OR2T10: variants seen among roughly 807,000 people sequenced by gnomAD.
The protein encoded by OR2T10 is olfactory receptor family 2 subfamily T member 10.
For synonymous variants in OR2T10, 125 were observed against 141.8 expected, an observed-to-expected ratio of 0.88 and a Z score of 0.84; for missense variants, 335 against 382.5, an observed-to-expected ratio of 0.88 and a Z score of 1.04.
intron 1 of OR2T10, among the ~76,000 whole-genome samples, chr1:248,596,333 A>G (rs139610389): frequency 7.0e-6 from 1 of 143,274 alleles, no homozygotes; most frequent in East Asian, 2.0e-4. Context: ...CTCTAGGTCT[A>G]TGTAAGGAGG....
chr1:248,591,078 C>T lies in OR2T10; in HGVS notation c.*1752G>A, dbSNP rs909397596. The stretch of plus-strand genomic sequence containing the variant: ...TATAATTGGAGTTAGACTCAATCTA[C>T]ATCTAGTTCATCCCTATTACTGAGA... On this transcript the variant is annotated 3_prime_UTR_variant, in exon 2 of 2. Coordinates refer to ENST00000642090, the MANE Select transcript of OR2T10 (RefSeq NM_001004693.2). 1.4e-5 allele frequency: 2 copies of T among 143,358 alleles called. No individual in the cohort carries two copies. The highest frequency in any genetic ancestry group is 1.4e-4 in the Admixed American group (2 of 14,662). 8.9% of individuals were successfully genotyped at this position (143,358 alleles called of 1,614,324 possible).
rs1223430605 is a variant in OR2T10 at position 248,590,973 on chromosome 1, A to T, written c.*1857T>A. 7.0e-6 allele frequency: 1 copy of T among 143,424 alleles called. No individual in the cohort carries two copies. Among genetic ancestry groups the T allele is most frequent in the African/African-American group, 2.7e-5 (1 of 36,520 alleles). The allele number at this position is 143,424 out of a possible 1,614,324, so 8.9% of individuals were successfully genotyped here. A position where few individuals can be genotyped will look rare whatever the true frequency, so the allele number is the denominator to read the frequency against. Reference sequence around the variant, plus strand: ...CATTTTTGCTTATATTTCTGAGTTTACTTTTGAGATAATTTTTCTATGGCT... The same window carrying T: ...CATTTTTGCTTATATTTCTGAGTTTTCTTTTGAGATAATTTTTCTATGGCT... On this transcript the variant is annotated 3_prime_UTR_variant, in exon 2 of 2. Transcript: ENST00000642090.
rs1365512837 is a variant in OR2T10 at position 248,593,625 on chromosome 1, C to G, written c.144G>C (p.Leu48=). The G allele has an allele frequency of 6.4e-7, 1 of 1,562,630 alleles. No homozygotes were observed. Among genetic ancestry groups the G allele is most frequent in the African/African-American group, 1.5e-5 (1 of 64,744 alleles). ...TATGCAGAGAGGAGTCAATGTGGAT[C>G]AGAAGTATCAATGTAATATTCCAAG... ...AVSWNITLIL[L]IHIDSSLHTP... The change falls in exon 2 of 2, where the codon CTG becomes CTC. Residue 48 remains leucine (L), a synonymous_variant. Coordinates refer to ENST00000642090, the MANE Select transcript of OR2T10 (RefSeq NM_001004693.2).
Position 248,591,928 on chromosome 1 carries a change from GTTATAATTA to G in OR2T10, c.*893_*901del, listed in dbSNP as rs1329191806. On this transcript the variant is annotated 3_prime_UTR_variant, in exon 2 of 2. Coordinates refer to ENST00000642090, the MANE Select transcript of OR2T10 (RefSeq NM_001004693.2). ...CCAGATCATAATAATCACACAAGAC[GTTATAATTA>G]TTATGTTATTTGTTAAATACAAATA... 3.9e-5 allele frequency: 2 copies of G among 51,256 alleles called. 1 individual carries two copies. Among genetic ancestry groups the G allele is most frequent in the African/African-American group, 7.8e-5 (2 of 25,540 alleles). 3.2% of individuals were successfully genotyped at this position (51,256 alleles called of 1,614,324 possible). A position where few individuals can be genotyped will look rare whatever the true frequency, so the allele number is the denominator to read the frequency against.
At position 248,596,429 on chromosome 1, in the gene OR2T10, C is replaced by T. The variant is rs1471003672; in HGVS notation, c.-29+1063G>A. On this transcript the variant is annotated intron_variant, in intron 1 of 1. Transcript: ENST00000642090. ...ATGGACATGAGCTAGTCAGGGTGAGCATATCTCAGGTTTATTCAGGAGAAC... is the reference window on the plus strand; with the variant it reads ...ATGGACATGAGCTAGTCAGGGTGAGTATATCTCAGGTTTATTCAGGAGAAC... Among the ~76,000 whole-genome samples the T allele has an allele frequency of 1.4e-5, 2 of 142,616 alleles. 1 individual carries two copies. Among genetic ancestry groups the T allele is most frequent in the Non-Finnish European group, 3.0e-5 (2 of 66,050 alleles). The allele number at this position is 142,616 out of a possible 152,430, so 93.6% of individuals were successfully genotyped here.
chr1:248,594,213 G>A (rs1660059687), intron 1 of OR2T10, among the ~76,000 whole-genome samples: 2 of 142,606 alleles, frequency 1.4e-5, no homozygotes, highest in African/African-American at 2.8e-5. Context: ...AGTCATGTCT[G>A]CAAAAAAGGA....
In OR2T10 at chr1:248,596,253, C is replaced by T. The variant is rs1486722899; in HGVS notation, c.-29+1239G>A. Among the ~76,000 whole-genome samples the T allele has an allele frequency of 4.2e-5, 6 of 142,870 alleles. 1 individual carries two copies. The highest frequency in any genetic ancestry group is 7.6e-5 in the Non-Finnish European group (5 of 66,196). The allele number at this position is 142,870 out of a possible 152,430, so 93.7% of individuals were successfully genotyped here. A position where few individuals can be genotyped will look rare whatever the true frequency, so the allele number is the denominator to read the frequency against. ...CAGTGAAATAAGTGTATTTAATGTCCGCTCCCAAAAATGGAGTCCATTTAG... is the reference window on the plus strand; with the variant it reads ...CAGTGAAATAAGTGTATTTAATGTCTGCTCCCAAAAATGGAGTCCATTTAG... On this transcript the variant is annotated intron_variant, in intron 1 of 1. Coordinates refer to ENST00000642090, the MANE Select transcript of OR2T10 (RefSeq NM_001004693.2).
intron 1 of OR2T10, among the ~76,000 whole-genome samples, chr1:248,596,022 A>G (rs1660084326): frequency 1.4e-5 from 2 of 143,482 alleles, no homozygotes; most frequent in South Asian, 4.4e-4. Flanking sequence ...GCAAAATGTG[A>G]GAGTCATGGT....
At chr1:248,596,804 T>C (rs1660098452) in intron 1 of OR2T10, among the ~76,000 whole-genome samples, 1 of 142,814 alleles carries the variant, frequency 7.0e-6, no homozygotes. Flanking sequence ...TGAGTGGGTA[T>C]TTATACTCCA....
In OR2T10 at chr1:248,593,444, C is replaced by T; in HGVS notation, c.325G>A (p.Gly109Ser). ...TQMYFYLQLG[G>S]AECCLLAAMA... Reference sequence around the variant, plus strand: ...GCGGCTAGAAGGCAGCACTCTGCACCTCCCAACTGCAGGTAGAAGTACATC... The same window carrying T: ...GCGGCTAGAAGGCAGCACTCTGCACTTCCCAACTGCAGGTAGAAGTACATC... The change falls in exon 2 of 2, where the codon GGT (glycine) becomes AGT (serine). Residue 109 changes from glycine (G) to serine (S), a missense_variant. Transcript: ENST00000642090. The T allele has an allele frequency of 6.4e-7, 1 of 1,572,150 alleles. No homozygotes were observed. Among genetic ancestry groups the T allele is most frequent in the South Asian group, 1.1e-5 (1 of 88,884 alleles).
At chr1:248,595,998 CAAAT>C (rs936060293) in intron 1 of OR2T10, among the ~76,000 whole-genome samples, 5 of 143,024 alleles carry the variant, frequency 3.5e-5, no homozygotes, top group Admixed American at 2.0e-4. Context: ...TCTGTCCCGT[CAAAT>C]AAAACAACTG....
rs1238864747 is a variant in OR2T10, at chr1:248,595,442, AT to A, written c.-28-1647del. Among the ~76,000 whole-genome samples, 7 of 143,148 alleles carry A rather than the reference AT, an allele frequency of 4.9e-5. 3 individuals carry two copies. Among genetic ancestry groups the A allele is most frequent in the Non-Finnish European group, 1.1e-4 (7 of 66,226 alleles). The allele number at this position is 143,148 out of a possible 152,430, so 93.9% of individuals were successfully genotyped here. The stretch of plus-strand genomic sequence containing the variant: ...AAGAATTATTGCAATTGGTCATATT[AT>A]TTCCTTTTTTATTTCAAATATCTTG... On this transcript the variant is annotated intron_variant, in intron 1 of 1. Transcript: ENST00000642090.
Position 248,592,580 on chromosome 1 carries a change from C to A in OR2T10, c.*250G>T. 1 of 337,776 alleles carries A rather than the reference C, an allele frequency of 3.0e-6. No homozygotes were observed. Among genetic ancestry groups the A allele is most frequent in the Non-Finnish European group, 5.3e-6 (1 of 188,128 alleles). The allele number at this position is 337,776 out of a possible 1,614,324, so 20.9% of individuals were successfully genotyped here. The stretch of plus-strand genomic sequence containing the variant: ...AAACACATTTATTTTCATATTTCTC[C>A]ACTGTAATCTAAAAAAAGGACCATT... On this transcript the variant is annotated 3_prime_UTR_variant, in exon 2 of 2. Coordinates refer to ENST00000642090, the MANE Select transcript of OR2T10 (RefSeq NM_001004693.2).
In OR2T10 at chr1:248,593,570, A is replaced by G. The variant is rs1660047373; in HGVS notation, c.199T>C (p.Ser67Pro). ...GAAATATATGTCAAGTCTATGAGTG[A>G]GAGCTGGTTTATAAAGAAGTACATG... is the stretch of plus-strand genomic sequence containing the variant. ...TPMYFFINQL[S>P]LIDLTYISVT... Residue 67 changes from serine (S) to proline (P), a missense_variant, in exon 2 of 2, where the codon TCA (serine) becomes CCA (proline). Transcript: ENST00000642090. 5 of 1,567,554 alleles carry G rather than the reference A, an allele frequency of 3.2e-6. 2 individuals are homozygous for G. Among genetic ancestry groups the G allele is most frequent in the South Asian group, 2.3e-5 (2 of 88,772 alleles).
In OR2T10 at chr1:248,593,055, G is replaced by A; in HGVS notation, c.714C>T (p.Phe238=). ...CTGTAATGTGGGAGGAGCAGGTGGTGAAGGCCTTTTTCCGACCCTCAACTG... is the reference window on the plus strand; with the variant it reads ...CTGTAATGTGGGAGGAGCAGGTGGTAAAGGCCTTTTTCCGACCCTCAACTG... ...MNSVEGRKKA[F]TTCSSHITVV... is the part of the protein sequence containing the mutation. The change falls in exon 2 of 2, where the codon TTC becomes TTT. Residue 238 remains phenylalanine, a synonymous_variant. Transcript: ENST00000642090. 6.4e-7 allele frequency: 1 copy of A among 1,571,896 alleles called. No homozygotes were observed. Among genetic ancestry groups the A allele is most frequent in the Non-Finnish European group, 8.7e-7 (1 of 1,155,942 alleles).
rs1239570146 is a variant in OR2T10 at position 248,593,426 on chromosome 1, G to C, written c.343C>G (p.Leu115Val). The C allele has an allele frequency of 1.0e-5, 16 of 1,572,158 alleles. 1 individual carries two copies. The highest frequency in any genetic ancestry group is 1.2e-5 in the Non-Finnish European group (14 of 1,156,352). ...LQLGGAECCL[L>V]AAMAYDRYVA... is the part of the protein sequence containing the mutation. ...TAGCGGTCATAGGCCATGGCGGCTA[G>C]AAGGCAGCACTCTGCACCTCCCAAC... is the stretch of plus-strand genomic sequence containing the variant. Residue 115 changes from leucine (L) to valine (V), a missense_variant, in exon 2 of 2, where the codon CTA (leucine) becomes GTA (valine). By Grantham distance (32) the Leu-to-Val change is conservative. Coordinates refer to ENST00000642090, the MANE Select transcript of OR2T10 (RefSeq NM_001004693.2).
Position 248,593,432 on chromosome 1 carries a change from A to G in OR2T10, c.337T>C (p.Cys113Arg). 1.3e-5 allele frequency: 21 copies of G among 1,572,314 alleles called. 2 individuals carry two copies. Among genetic ancestry groups the G allele is most frequent in the Non-Finnish European group, 1.6e-5 (18 of 1,156,396 alleles). ...TCATAGGCCATGGCGGCTAGAAGGC[A>G]GCACTCTGCACCTCCCAACTGCAGG... ...FYLQLGGAEC[C>R]LLAAMAYDRY... The change falls in exon 2 of 2, where the codon TGC (cysteine) becomes CGC (arginine). Residue 113 changes from cysteine (C) to arginine (R), a missense_variant. By Grantham distance (180) the Cys-to-Arg change is radical (BLOSUM62 -3). Coordinates refer to ENST00000642090, the MANE Select transcript of OR2T10 (RefSeq NM_001004693.2).
rs561679696 is a variant in OR2T10, at chr1:248,597,675, G to A, written c.-212C>T. On this transcript the variant is annotated 5_prime_UTR_variant, in exon 1 of 2. Transcript: ENST00000642090. The stretch of plus-strand genomic sequence containing the variant: ...CAGATGATGAAACACTTATGAACTT[G>A]ATGACTCTCCCTGAAGAGCAGCTGA... 2 of 143,410 alleles carry A rather than the reference G, an allele frequency of 1.4e-5. No homozygotes were observed. The highest frequency in any genetic ancestry group is 2.2e-4 in the South Asian group (1 of 4,548). The allele number at this position is 143,410 out of a possible 1,614,324, so 8.9% of individuals were successfully genotyped here. A position where few individuals can be genotyped will look rare whatever the true frequency, so the allele number is the denominator to read the frequency against.
Position 248,590,533 on chromosome 1 carries a change from C to A in OR2T10, c.*2297G>T, listed in dbSNP as rs896832161. On this transcript the variant is annotated 3_prime_UTR_variant, in exon 2 of 2. Coordinates refer to ENST00000642090, the MANE Select transcript of OR2T10 (RefSeq NM_001004693.2). ...ATTTTATTGATACATAATATTTCTA[C>A]ATACTTATGGGGCACATGTGATATT... 4.2e-5 allele frequency: 6 copies of A among 143,746 alleles called. No individual in the cohort carries two copies. Among genetic ancestry groups the A allele is most frequent in the African/African-American group, 1.6e-4 (6 of 36,684 alleles). The allele number at this position is 143,746 out of a possible 1,614,324, so 8.9% of individuals were successfully genotyped here.
Sources: gnomAD v4.1 joint callset for allele counts (sites outside exome capture counted in the v4.1 genomes callset) on GRCh38, gnomAD v4.1.1 for gene constraint, MANE v1.5 for transcripts, NCBI Gene and HGNC (gene_info 2026-07-23, HGNC 2026-07-21) for gene names.